The following CDYL2 variants were observed in gnomAD, a reference collection of about 807,000 sequenced individuals.
The protein encoded by CDYL2 is chromodomain Y like 2, also known as chromodomain Y-like protein 2.
In CDYL2, 23 loss-of-function variants were observed where a neutral mutation model predicts 49.4. That is an observed-to-expected ratio of 0.47 (90% CI 0.34 to 0.66). The LOEUF (loss-of-function observed/expected upper bound fraction) is 0.66, where lower values mean the gene tolerates loss of function less well. Among genes scored for constraint, CDYL2 ranks in the 30% least tolerant of loss-of-function variants. The pLI, the probability that CDYL2 is intolerant of heterozygous loss-of-function variation, is 0.01. For synonymous variants in CDYL2, 360 were observed against 268.8 expected, an observed-to-expected ratio of 1.34 and a Z score of -3.32; for missense variants, 678 against 656.4, an observed-to-expected ratio of 1.03 and a Z score of -0.36.
intron 1 of CDYL2, among the ~76,000 whole-genome samples, chr16:80,704,518 T>C (rs3114392): frequency 6.6e-6 from 1 of 152,148 alleles, no homozygotes; most frequent in Admixed American, 6.5e-5. Context: ...CCAACCAACA[T>C]TAATAGCAAA....
At chr16:80,672,145 G>A (rs773505732) in intron 2 of CDYL2, among the ~76,000 whole-genome samples, 7 of 152,080 alleles carry the variant, frequency 4.6e-5, no homozygotes, top group Non-Finnish European at 8.8e-5. Context: ...GGATTTTGGA[G>A]CATTTCAGAT....
At chr16:80,696,130 A>G (rs1910605056) in intron 1 of CDYL2, among the ~76,000 whole-genome samples, 1 of 152,240 alleles carries the variant, frequency 6.6e-6, no homozygotes, top group Non-Finnish European at 1.5e-5. Context: ...AAATTAAGCA[A>G]TGCGTTCCTT....
intron 2 of CDYL2, among the ~76,000 whole-genome samples, chr16:80,659,854 G>C (rs1473805855): frequency 6.6e-6 from 1 of 151,852 alleles, no homozygotes; most frequent in African/African-American, 2.4e-5. Flanking sequence ...AAAAGAAAAA[G>C]TTCTCAGTTT....
At chr16:80,645,378 G>A (rs1908292759) in intron 2 of CDYL2, among the ~76,000 whole-genome samples, 1 of 152,148 alleles carries the variant, frequency 6.6e-6, no homozygotes, top group Admixed American at 6.5e-5. Context: ...AAAGACATAT[G>A]AAAAAATGCT....
chr16:80,785,663 G>A (rs999933538), intron 1 of CDYL2, among the ~76,000 whole-genome samples: 5 of 152,008 alleles, frequency 3.3e-5, no homozygotes, highest in Non-Finnish European at 7.4e-5. Flanking sequence ...AAGACAATCT[G>A]GAGCAAGAAG....
intron 1 of CDYL2, among the ~76,000 whole-genome samples, chr16:80,691,559 C>G (rs546707138): frequency 1.3e-5 from 2 of 152,274 alleles, no homozygotes; most frequent in African/African-American, 4.8e-5. Context: ...ATCCATTCTG[C>G]TGGAAAACAC....
rs148644998 is a variant in CDYL2 at position 80,757,718 on chromosome 16, A to G, written c.24+46432T>C. ...ATAATAACAACAAAAGCAAAATTGA[A>G]CAGAACAAAATACCTAGGGAAAAAT... On this transcript the variant is annotated intron_variant, in intron 1 of 6. Transcript: ENST00000570137. Among the ~76,000 whole-genome samples the G allele has an allele frequency of 6.6e-5, 10 of 152,076 alleles. No homozygotes were observed. The East Asian group carries it at 1.7e-3, about 26-fold the overall frequency.
intron 3 of CDYL2, among the ~76,000 whole-genome samples, chr16:80,627,194 G>C (rs73592222): frequency 6.3e-4 from 96 of 152,160 alleles, no homozygotes; most frequent in African/African-American, 2.2e-3. Context: ...CATCAAAAAA[G>C]CTCACAGGCC....
chr16:80,742,803 TAGAC>T (rs200358733), intron 1 of CDYL2, among the ~76,000 whole-genome samples: 3,303 of 44,524 alleles, frequency 0.074, 77 homozygotes, highest in Non-Finnish European at 0.17. Flanking sequence ...GACTGACAAA[TAGAC>T]AGATGTAAAA....
chr16:80,646,350 G>A (rs946622395), intron 2 of CDYL2, among the ~76,000 whole-genome samples: 5 of 151,820 alleles, frequency 3.3e-5, no homozygotes, highest in Non-Finnish European at 7.4e-5. Flanking sequence ...AAGGAAGACA[G>A]GAATGAAAGA....
At chr16:80,642,739 C>T (rs1908157932) in intron 2 of CDYL2, among the ~76,000 whole-genome samples, 1 of 152,118 alleles carries the variant, frequency 6.6e-6, no homozygotes, top group South Asian at 2.1e-4. Flanking sequence ...CTTGATAAAA[C>T]CATCAGATCT....
At chr16:80,717,809 G>C (rs1231571691) in intron 1 of CDYL2, among the ~76,000 whole-genome samples, 4 of 152,218 alleles carry the variant, frequency 2.6e-5, no homozygotes, top group African/African-American at 9.7e-5. Flanking sequence ...GAAGCCAGGA[G>C]GACTCCCCAT....
At chr16:80,653,384 G>A (rs1468695630) in intron 2 of CDYL2, among the ~76,000 whole-genome samples, 1 of 152,186 alleles carries the variant, frequency 6.6e-6, no homozygotes, top group African/African-American at 2.4e-5. Context: ...AGAATCGCTT[G>A]AACCCAGGAG....
chr16:80,611,777 C>G (rs1179607197), intron 5 of CDYL2, among the ~76,000 whole-genome samples: 2 of 152,196 alleles, frequency 1.3e-5, no homozygotes, highest in South Asian at 4.1e-4. Context: ...CGTTGACAGC[C>G]CAGCCCAGCA....
At position 80,603,618 on chromosome 16, in the gene CDYL2, A is replaced by C. The variant is rs1344172813; in HGVS notation, c.*770T>G. 1 of 152,660 alleles carries C rather than the reference A, an allele frequency of 6.6e-6. No individual in the cohort carries two copies. Among genetic ancestry groups the C allele is most frequent in the Non-Finnish European group, 1.5e-5 (1 of 68,046 alleles). 9.5% of individuals were successfully genotyped at this position (152,660 alleles called of 1,614,324 possible). A position where few individuals can be genotyped will look rare whatever the true frequency, so the allele number is the denominator to read the frequency against. On this transcript the variant is annotated 3_prime_UTR_variant, in exon 7 of 7. Transcript: ENST00000570137. ...GGGATTTGGTCCAGGGTAGTATGAA[A>C]ATAGTATCTGTGTGAACAACAGACA...
At chr16:80,753,255 C>A (rs1906196690) in intron 1 of CDYL2, among the ~76,000 whole-genome samples, 1 of 149,128 alleles carries the variant, frequency 6.7e-6, no homozygotes, top group Non-Finnish European at 1.5e-5. Flanking sequence ...GGTAAATTCC[C>A]AACTTAAAAA....
intron 1 of CDYL2, among the ~76,000 whole-genome samples, chr16:80,802,094 G>A (rs753446631): frequency 1.6e-4 from 24 of 152,072 alleles, no homozygotes; most frequent in Non-Finnish European, 2.2e-4. Flanking sequence ...CAAGGCCACC[G>A]TGAAAACTCT....
chr16:80,684,365 T>C (rs765397245), intron 2 of CDYL2, among the ~76,000 whole-genome samples, 173 bp downstream of exon 2: 4 of 152,012 alleles, frequency 2.6e-5, no homozygotes, highest in Non-Finnish European at 5.9e-5. Flanking sequence ...GTAACCAACA[T>C]GGGCCTACGA....
At chr16:80,672,603 AG>A in intron 2 of CDYL2, among the ~76,000 whole-genome samples, 1 of 150,568 alleles carries the variant, frequency 6.6e-6, no homozygotes, top group African/African-American at 2.5e-5. Context: ...AGGAAAGGAA[AG>A]GAAAGGAAAA....
Sources: gnomAD v4.1 joint callset for allele counts (sites outside exome capture counted in the v4.1 genomes callset) on GRCh38, gnomAD v4.1.1 for gene constraint, MANE v1.5 for transcripts, NCBI Gene and HGNC (gene_info 2026-07-23, HGNC 2026-07-21) for gene names.